The following STXBP4 variants were observed in gnomAD, a reference collection of about 807,000 sequenced individuals.
STXBP4 encodes the protein syntaxin-binding protein 4.
STXBP4 carries 55 observed loss-of-function variants against 76.1 expected under a neutral mutation model. The ratio of observed to expected loss-of-function variants is 0.72; its 90% CI spans 0.58 to 0.91. The LOEUF (loss-of-function observed/expected upper bound fraction) is 0.91. STXBP4 is among the 40% of genes least tolerant of loss of function. The pLI, the probability that STXBP4 is intolerant of heterozygous loss-of-function variation, is 0.00. For synonymous variants in STXBP4, 201 were observed against 220.2 expected (o/e 0.91, Z 0.77); for missense variants, 618 against 636.9 (o/e 0.97, Z 0.32).
the STXBP4 span, among the ~76,000 whole-genome samples, chr17:55,196,713 C>A: frequency 6.6e-6 from 1 of 152,196 alleles, no homozygotes; most frequent in Non-Finnish European, 1.5e-5. Flanking sequence ...ATAGGAAGTA[C>A]TCAGTAACTG....
At chr17:54,983,778 T>A (rs2144350293) in intron 1 of STXBP4, among the ~76,000 whole-genome samples, 1 of 152,208 alleles carries the variant, frequency 6.6e-6, no homozygotes, top group East Asian at 1.9e-4. Flanking sequence ...CATGCGTGTA[T>A]CATTAAAGCA....
intron 14 of STXBP4, 140 bp from the exon 15 acceptor site, chr17:55,078,546 A>T: frequency 1.7e-6 from 1 of 597,674 alleles, no homozygotes; most frequent in East Asian, 2.9e-5. Context: ...ATGTTAGTTC[A>T]ATTGTTTGCA....
chr17:55,016,658 C>A (rs1251642251), intron 8 of STXBP4, among the ~76,000 whole-genome samples: 1 of 152,126 alleles, frequency 6.6e-6, no homozygotes, highest in Non-Finnish European at 1.5e-5. Context: ...CTGGAAGGAA[C>A]CTTCTATTGT....
chr17:55,098,093 G>A (rs572134784), intron 16 of STXBP4, among the ~76,000 whole-genome samples: 128 of 151,990 alleles, frequency 8.4e-4, no homozygotes, highest in Middle Eastern at 3.4e-3. Flanking sequence ...ATTCTCTTCC[G>A]CACCTCCTTT....
intron 4 of STXBP4, among the ~76,000 whole-genome samples, chr17:54,996,151 G>A (rs1246319152): frequency 6.6e-6 from 1 of 151,360 alleles, no homozygotes; most frequent in Non-Finnish European, 1.5e-5. Context: ...TAAATCCTGG[G>A]CAACTAGAGA....
chr17:55,200,224 C>T, the STXBP4 span, among the ~76,000 whole-genome samples: 21 of 152,290 alleles, frequency 1.4e-4, no homozygotes, highest in Non-Finnish European at 2.1e-4. Flanking sequence ...TTTACTTAAT[C>T]GCATCTCAAT....
chr17:55,106,824 G>A (rs538671199), intron 16 of STXBP4, among the ~76,000 whole-genome samples: 13 of 151,754 alleles, frequency 8.6e-5, no homozygotes, highest in African/African-American at 2.2e-4. Context: ...GATGGGCTTC[G>A]CTTTGTGGGT....
chr17:55,013,404 G>A (rs921493976), intron 8 of STXBP4, among the ~76,000 whole-genome samples: 1 of 152,170 alleles, frequency 6.6e-6, no homozygotes, highest in African/African-American at 2.4e-5. Flanking sequence ...CTTAATTACT[G>A]TATATAATGG....
intron 16 of STXBP4, among the ~76,000 whole-genome samples, chr17:55,108,198 G>A (rs954806597): frequency 6.6e-6 from 1 of 152,184 alleles, no homozygotes; most frequent in African/African-American, 2.4e-5. Context: ...TGGCAGCTTT[G>A]TTTACACTCT....
intron 12 of STXBP4, among the ~76,000 whole-genome samples, chr17:55,052,009 A>G (rs2078865749): frequency 6.6e-6 from 1 of 152,110 alleles, no homozygotes; most frequent in Non-Finnish European, 1.5e-5. Context: ...ATAAAGTCAA[A>G]AAAAACATTA....
chr17:55,118,817 A>G (rs1221811442), intron 16 of STXBP4, among the ~76,000 whole-genome samples: 1 of 151,798 alleles, frequency 6.6e-6, no homozygotes, highest in African/African-American at 2.4e-5. Flanking sequence ...TGTGCTTTTC[A>G]GTAGTTAAGT....
intron 8 of STXBP4, among the ~76,000 whole-genome samples, chr17:55,011,642 C>G (rs1483357552): frequency 2.6e-5 from 4 of 151,434 alleles, no homozygotes; most frequent in Admixed American, 6.6e-5. Context: ...CCGCTGTACT[C>G]TCAGGCAATA....
At chr17:55,103,532 G>A (rs2145027516) in intron 16 of STXBP4, among the ~76,000 whole-genome samples, 1 of 150,164 alleles carries the variant, frequency 6.7e-6, no homozygotes, top group South Asian at 2.1e-4. Flanking sequence ...GGTTACTGTG[G>A]CCTTGTAGTA....
chr17:55,079,018 A>T (rs1283547751), intron 15 of STXBP4, among the ~76,000 whole-genome samples: 1 of 152,216 alleles, frequency 6.6e-6, no homozygotes, highest in Non-Finnish European at 1.5e-5. Flanking sequence ...TAAAGATGAG[A>T]TTAACTTAAA....
chr17:55,210,970 T>C, the STXBP4 span, among the ~76,000 whole-genome samples: 1 of 152,234 alleles, frequency 6.6e-6, no homozygotes, highest in Non-Finnish European at 1.5e-5. Flanking sequence ...TAAGTACGTC[T>C]GAGAAGTAGC....
intron 3 of STXBP4, 108 bp from the exon 4 acceptor site, chr17:54,990,717 A>G: frequency 7.5e-7 from 1 of 1,325,136 alleles, no homozygotes; most frequent in Non-Finnish European, 1.0e-6. Flanking sequence ...AAAAAAGGTG[A>G]GGGGTTGCTG....
chr17:55,067,700 A>G (rs2079071228), intron 12 of STXBP4, among the ~76,000 whole-genome samples: 4 of 152,148 alleles, frequency 2.6e-5, no homozygotes, highest in Admixed American at 2.6e-4. Flanking sequence ...AAGTATGCAG[A>G]ATACAATAAA....
At chr17:55,112,538 A>G (rs763071317) in intron 16 of STXBP4, among the ~76,000 whole-genome samples, 2 of 152,164 alleles carry the variant, frequency 1.3e-5, no homozygotes, top group East Asian at 1.9e-4. Flanking sequence ...TTGATCCTGG[A>G]TTATTGGAGG....
At chr17:55,010,619 G>A (rs548014045) in intron 8 of STXBP4, among the ~76,000 whole-genome samples, 3 of 152,028 alleles carry the variant, frequency 2.0e-5, no homozygotes, top group African/African-American at 7.2e-5. Context: ...TCAAAATATC[G>A]TACCTCTGCA....
Sources: gnomAD v4.1 joint callset for allele counts (sites outside exome capture counted in the v4.1 genomes callset) on GRCh38, gnomAD v4.1.1 for gene constraint, MANE v1.5 for transcripts, NCBI Gene and HGNC (gene_info 2026-07-23, HGNC 2026-07-21) for gene names.